Variants in ESR2 observed in about 807,000 individuals in gnomAD.
The protein encoded by ESR2 is estrogen receptor 2, also known as estrogen receptor beta.
Under a neutral mutation model 49.6 loss-of-function variants are expected in ESR2, and 36 were observed. The ratio of observed to expected loss-of-function variants is 0.73; its 90% CI spans 0.56 to 0.96. The LOEUF (loss-of-function observed/expected upper bound fraction) is 0.96, where lower values mean the gene tolerates loss of function less well. Among genes scored for constraint, ESR2 ranks in the 40% least tolerant of loss-of-function variants. ESR2 has a pLI of 0.00. For synonymous variants in ESR2, 320 were observed against 266.1 expected (o/e 1.20, Z -1.97); for missense variants, 714 against 693.0 (o/e 1.03, Z -0.34).
intron 1 of ESR2, among the ~76,000 whole-genome samples, chr14:64,283,893 T>C (rs1412407444): frequency 2.6e-5 from 4 of 151,968 alleles, no homozygotes. Context: ...GTGTCACTTA[T>C]CAATCTGTTG....
downstream of ESR2, chr14:64,227,904 A>C (rs373108044): frequency 1.3e-6 from 2 of 1,597,764 alleles, no homozygotes; most frequent in Middle Eastern, 1.7e-4. Context: ...GATAACTTCA[A>C]ATGAATGAAT....
chr14:64,267,691 A>G (rs2076359390), intron 4 of ESR2, among the ~76,000 whole-genome samples: 1 of 151,512 alleles, frequency 6.6e-6, no homozygotes, highest in Non-Finnish European at 1.5e-5. Flanking sequence ...CCTGGCTAAC[A>G]TGATGAAACC....
In ESR2 at chr14:64,311,432, G is replaced by A. The variant is rs1280882593; in HGVS notation, c.-91+26466C>T. ...AGGCAGGCGGATCACTAGAGGTCAG[G>A]AGTTTGAGACCAGCCTGGCCAACAT... On this transcript the variant is annotated intron_variant, in intron 1 of 8. Transcript: ENST00000358599. Among the ~76,000 whole-genome samples the A allele has an allele frequency of 3.9e-5, 6 of 152,056 alleles. No homozygotes were observed. The South Asian group carries it at 1.2e-3, about 32-fold the overall frequency.
chr14:64,246,792 A>G (rs980861350), intron 7 of ESR2, among the ~76,000 whole-genome samples: 3 of 146,514 alleles, frequency 2.0e-5, no homozygotes, highest in East Asian at 2.1e-4. Context: ...CTTTCCTTAT[A>G]TGCACATCAA....
chr14:64,332,806 A>C (rs1314076436), intron 1 of ESR2, among the ~76,000 whole-genome samples: 3 of 151,766 alleles, frequency 2.0e-5, no homozygotes, highest in African/African-American at 7.2e-5. Context: ...TCTCAAAAAA[A>C]AAAAAAAGGG....
At chr14:64,262,057 T>G (rs1311123348) in intron 4 of ESR2, among the ~76,000 whole-genome samples, 4 of 152,214 alleles carry the variant, frequency 2.6e-5, no homozygotes, top group Non-Finnish European at 5.9e-5. Flanking sequence ...CGCTTTACTT[T>G]GTATGTTTTA....
rs374264697 is a variant in ESR2, at chr14:64,261,232, C to CTTTTTTTTTTTTTTTTTTTTTTT, written c.653-485_653-484insAAAAAAAAAAAAAAAAAAAAAAA. Among the ~76,000 whole-genome samples the CTTTTTTTTTTTTTTTTTTTTTTT allele has an allele frequency of 5.6e-5, 5 of 88,682 alleles. 1 individual carries two copies. The highest frequency in any genetic ancestry group is 8.2e-5 in the Non-Finnish European group (4 of 48,628). 58.2% of individuals were successfully genotyped at this position (88,682 alleles called of 152,430 possible). On this transcript the variant is annotated intron_variant, in intron 4 of 8. Transcript: ENST00000341099. ...CAGTCTTTTTAATGCTTTTATTTTT[C>CTTTTTTTTTTTTTTTTTTTTTTT]TTTTTTCTTTTTTTTTTTTTTTTGA...
At chr14:64,252,027 CAG>C (rs2075997793) in intron 6 of ESR2, among the ~76,000 whole-genome samples, 2 of 152,256 alleles carry the variant, frequency 1.3e-5, no homozygotes, top group African/African-American at 2.4e-5. Flanking sequence ...GAATTAAAGA[CAG>C]GGCTGGCTGG....
upstream of ESR2, among the ~76,000 whole-genome samples, chr14:64,295,275 G>A (rs1303433881): frequency 6.6e-6 from 1 of 152,220 alleles, no homozygotes; most frequent in African/African-American, 2.4e-5. Flanking sequence ...TGGTTTTTGA[G>A]GGTTGTGATC....
At chr14:64,235,659 A>T (rs1239715391) in intron 7 of ESR2, among the ~76,000 whole-genome samples, 1 of 152,134 alleles carries the variant, frequency 6.6e-6, no homozygotes, top group Non-Finnish European at 1.5e-5. Flanking sequence ...CCACCTCTGC[A>T]TCTCGCTTGA....
chr14:64,268,697 C>T, intron 4 of ESR2, 98 bp downstream of exon 4: 1 of 730,812 alleles, frequency 1.4e-6, no homozygotes, highest in Non-Finnish European at 2.4e-6. Context: ...TTACTATGTC[C>T]CAAATCTTCT....
chr14:64,284,558 G>C (rs1245066282), intron 1 of ESR2, among the ~76,000 whole-genome samples: 1 of 151,978 alleles, frequency 6.6e-6, no homozygotes, highest in Admixed American at 6.6e-5. Context: ...CTGACCTCAA[G>C]TGATCTGCCT....
rs1169011605 is a variant in ESR2, at chr14:64,233,175, T to C, written c.1555A>G (p.Lys519Glu). Residue 519 changes from lysine (K) to glutamate (E), a missense_variant, in exon 9 of 9, where the codon AAA becomes GAA. Transcript: ENST00000341099. ...GGGTTCTGGGAGCCCTCTTTGCTTT[T>C]ACTGTCCTCTGCCGGGCTGCACTCG... ...GSECSPAEDS[K>E]SKEGSQNPQS... The C allele has an allele frequency of 1.9e-6, 3 of 1,613,998 alleles. No individual in the cohort carries two copies. The African/African-American group carries it at 4.0e-5, about 22-fold the overall frequency.
chr14:64,230,779 G>A lies in ESR2; in HGVS notation c.*2358C>T, dbSNP rs979882140. ...GCGGCGCTCCTGATACTGCCCACTC[G>A]AGGCTCTAAAGGGATTGCCATTGCC... On this transcript the variant is annotated 3_prime_UTR_variant, in exon 9 of 9. Coordinates refer to ENST00000341099, the MANE Select transcript of ESR2 (RefSeq NM_001437.3). 10 of 150,548 alleles carry A rather than the reference G, an allele frequency of 6.6e-5. No homozygotes were observed. The highest frequency in any genetic ancestry group is 2.2e-4 in the African/African-American group (9 of 40,848). 9.3% of individuals were successfully genotyped at this position (150,548 alleles called of 1,614,324 possible).
chr14:64,320,582 C>T (rs2077313681), intron 1 of ESR2, among the ~76,000 whole-genome samples: 1 of 151,812 alleles, frequency 6.6e-6, no homozygotes, highest in Non-Finnish European at 1.5e-5. Context: ...TAATGTAAAC[C>T]CCGGACTTTA....
At chr14:64,317,025 G>C (rs2077263867) in intron 1 of ESR2, among the ~76,000 whole-genome samples, 1 of 152,092 alleles carries the variant, frequency 6.6e-6, no homozygotes, top group Non-Finnish European at 1.5e-5. Context: ...AGCACTTTGG[G>C]AGGCCAAGGC....
intron 7 of ESR2, among the ~76,000 whole-genome samples, chr14:64,239,273 C>T (rs1235349228): frequency 6.6e-6 from 1 of 152,116 alleles, no homozygotes; most frequent in African/African-American, 2.4e-5. Context: ...AAAGGACCCC[C>T]GCATCTTTCC....
At chr14:64,310,778 G>A (rs190986256) in intron 1 of ESR2, among the ~76,000 whole-genome samples, 32 of 152,136 alleles carry the variant, frequency 2.1e-4, no homozygotes, top group Middle Eastern at 3.4e-3. Context: ...GAACTTTTAC[G>A]TACAGTACTT....
chr14:64,319,669 T>C (rs543601410), intron 1 of ESR2, among the ~76,000 whole-genome samples: 13 of 152,156 alleles, frequency 8.5e-5, no homozygotes, highest in African/African-American at 2.9e-4. Flanking sequence ...AATAAGCATA[T>C]GAAAAGATGT....
Sources: gnomAD v4.1 joint callset for allele counts (sites outside exome capture counted in the v4.1 genomes callset) on GRCh38, gnomAD v4.1.1 for gene constraint, MANE v1.5 for transcripts, NCBI Gene and HGNC (gene_info 2026-07-23, HGNC 2026-07-21) for gene names.